GALNT17: variants seen among roughly 807,000 people sequenced by gnomAD.
The protein encoded by GALNT17 is polypeptide N-acetylgalactosaminyltransferase 17, also known as UDP-GalNAc:polypeptide N-acetylgalactosaminyltransferase-like 3.
GALNT17 carries 29 observed loss-of-function variants against 63.7 expected under a neutral mutation model. The ratio of observed to expected loss-of-function variants is 0.46; its 90% CI spans 0.34 to 0.62. GALNT17 has a LOEUF of 0.62. Among genes scored for constraint, GALNT17 ranks in the 20% least tolerant of loss-of-function variants. The pLI, the probability that GALNT17 is intolerant of heterozygous loss-of-function variation, is 0.01. For missense variants in GALNT17, 603 were observed against 799.6 expected (o/e 0.75, Z 2.97); for synonymous variants, 305 against 318.3 (o/e 0.96, Z 0.45).
At chr7:71,369,841 C>T (rs923289001) in intron 2 of GALNT17, among the ~76,000 whole-genome samples, 4 of 109,684 alleles carry the variant, frequency 3.6e-5, no homozygotes, top group African/African-American at 1.0e-4. Context: ...AAAAAAAGAA[C>T]AAAAACTATG....
At chr7:71,675,860 C>T (rs769081380) in intron 8 of GALNT17, among the ~76,000 whole-genome samples, 3 of 151,960 alleles carry the variant, frequency 2.0e-5, no homozygotes, top group East Asian at 1.9e-4. Context: ...TGGTAGCGGG[C>T]GACTGTAATC....
intron 5 of GALNT17, among the ~76,000 whole-genome samples, chr7:71,439,186 C>T (rs912452799): frequency 5.9e-5 from 9 of 152,132 alleles, no homozygotes; most frequent in South Asian, 2.1e-4. Flanking sequence ...TGAACCACTG[C>T]GCCCAGCCAG....
At chr7:71,163,520 G>A (rs1316999449) in intron 1 of GALNT17, among the ~76,000 whole-genome samples, 2 of 152,130 alleles carry the variant, frequency 1.3e-5, no homozygotes, top group East Asian at 1.9e-4. Flanking sequence ...CCCTAATCAC[G>A]AGCCAAACAG....
At chr7:71,353,028 A>G (rs1170319645) in intron 2 of GALNT17, among the ~76,000 whole-genome samples, 1 of 151,782 alleles carries the variant, frequency 6.6e-6, no homozygotes, top group Non-Finnish European at 1.5e-5. Flanking sequence ...GAGCAAAATG[A>G]CTACTCTGAT....
chr7:71,541,019 A>C (rs1788881779), intron 5 of GALNT17, among the ~76,000 whole-genome samples: 1 of 152,062 alleles, frequency 6.6e-6, no homozygotes, highest in Non-Finnish European at 1.5e-5. Flanking sequence ...TGGGCAGATC[A>C]CTTGAGGCCA....
Position 71,207,563 on chromosome 7 carries a change from G to A in GALNT17, c.238+74523G>A, listed in dbSNP as rs139731383. Among the ~76,000 whole-genome samples, 368 of 152,268 alleles carry A rather than the reference G, an allele frequency of 2.4e-3. 3 individuals carry two copies. The highest frequency in any genetic ancestry group is 6.8e-3 in the Middle Eastern group (2 of 294). The stretch of plus-strand genomic sequence containing the variant: ...GGGTAAGGATGATAGATGCTGGCTC[G>A]GGTGGGTTGGGGTAGGGAGGTAGGG... On this transcript the variant is annotated intron_variant, in intron 1 of 10. Coordinates refer to ENST00000333538, the MANE Select transcript of GALNT17 (RefSeq NM_022479.3).
At chr7:71,329,547 C>T (rs891274490) in intron 1 of GALNT17, among the ~76,000 whole-genome samples, 18 of 152,040 alleles carry the variant, frequency 1.2e-4, no homozygotes, top group African/African-American at 4.1e-4. Flanking sequence ...AATTCCCTCA[C>T]TTCCGCAGGC....
At chr7:71,502,320 T>G (rs1274693981) in intron 5 of GALNT17, among the ~76,000 whole-genome samples, 2 of 152,226 alleles carry the variant, frequency 1.3e-5, no homozygotes, top group Admixed American at 6.5e-5. Flanking sequence ...CTTTCTCCAC[T>G]GAGAGATGGG....
intron 1 of GALNT17, among the ~76,000 whole-genome samples, chr7:71,139,892 T>G (rs1787854566): frequency 6.6e-6 from 1 of 152,062 alleles, no homozygotes; most frequent in East Asian, 1.9e-4. Flanking sequence ...ACTCAAGAGG[T>G]TGAGGCAAGA....
intron 1 of GALNT17, among the ~76,000 whole-genome samples, chr7:71,298,763 C>T (rs1166808539): frequency 6.6e-6 from 1 of 151,780 alleles, no homozygotes; most frequent in Non-Finnish European, 1.5e-5. Flanking sequence ...AATGTGTACA[C>T]AGGCTAGTGC....
chr7:71,166,434 C>G (rs976801222), intron 1 of GALNT17, among the ~76,000 whole-genome samples: 1 of 152,070 alleles, frequency 6.6e-6, no homozygotes, highest in African/African-American at 2.4e-5. Flanking sequence ...TGAAATCATC[C>G]GCATGATCAA....
chr7:71,397,613 C>T (rs572529545), intron 3 of GALNT17, among the ~76,000 whole-genome samples: 1 of 152,198 alleles, frequency 6.6e-6, no homozygotes, highest in Admixed American at 6.5e-5. Flanking sequence ...CTCGCTGCAT[C>T]TATCTGAAGT....
chr7:71,438,016 A>G (rs752632421), intron 5 of GALNT17, among the ~76,000 whole-genome samples: 9 of 152,198 alleles, frequency 5.9e-5, no homozygotes, highest in Non-Finnish European at 1.2e-4. Flanking sequence ...CTTGGCAAAG[A>G]GACCTGTTTT....
At chr7:71,549,044 A>G (rs1157017395) in intron 5 of GALNT17, among the ~76,000 whole-genome samples, 2 of 152,068 alleles carry the variant, frequency 1.3e-5, no homozygotes, top group African/African-American at 4.8e-5. Context: ...CAGCTACTGG[A>G]CCTGGTACTG....
At chr7:71,436,096 G>C (rs1355583897) in intron 5 of GALNT17, among the ~76,000 whole-genome samples, 4 of 151,476 alleles carry the variant, frequency 2.6e-5, no homozygotes, top group Non-Finnish European at 4.4e-5. Context: ...AATAAAACTC[G>C]GGTCTCCCAG....
rs370076551 is a variant in GALNT17, at chr7:71,617,412, C to A, written c.1080+46010C>A. Among the ~76,000 whole-genome samples the A allele has an allele frequency of 9.3e-4, 141 of 150,930 alleles. No homozygotes were observed. The South Asian group carries it at 0.013, about 13-fold the overall frequency. ...TCTCAGCTCACTGCAACTTCCACTT[C>A]CTAGGTTCAAGCAATTCTCCTGCCT... On this transcript the variant is annotated intron_variant, in intron 6 of 10. Transcript: ENST00000333538.
chr7:71,135,131 C>T (rs754442713), intron 1 of GALNT17, among the ~76,000 whole-genome samples: 6 of 152,026 alleles, frequency 3.9e-5, no homozygotes, highest in East Asian at 3.9e-4. Flanking sequence ...GGATGACAGG[C>T]GTGAGCCACC....
At chr7:71,497,871 G>A (rs1584004123) in intron 5 of GALNT17, among the ~76,000 whole-genome samples, 1 of 152,174 alleles carries the variant, frequency 6.6e-6, no homozygotes, top group East Asian at 1.9e-4. Context: ...TCTTACAGAT[G>A]GCTGAAACTT....
chr7:71,414,294 A>G (rs73363712), intron 3 of GALNT17, among the ~76,000 whole-genome samples: 6,917 of 152,248 alleles, frequency 0.045, 565 homozygotes, highest in African/African-American at 0.16. Context: ...TAGAAAGACA[A>G]TCTGTTGTTC....
Sources: gnomAD v4.1 joint callset for allele counts (sites outside exome capture counted in the v4.1 genomes callset) on GRCh38, gnomAD v4.1.1 for gene constraint, MANE v1.5 for transcripts, NCBI Gene and HGNC (gene_info 2026-07-23, HGNC 2026-07-21) for gene names.